RBM39: variants seen among roughly 807,000 people sequenced by gnomAD.
The protein encoded by RBM39 is RNA binding motif protein 39.
Under a neutral mutation model 79.6 loss-of-function variants are expected in RBM39, and 12 were observed. The ratio of observed to expected loss-of-function variants is 0.15; its 90% confidence interval spans 0.10 to 0.24. The LOEUF (loss-of-function observed/expected upper bound fraction) is 0.24, where lower values mean the gene tolerates loss of function less well. Ranked by LOEUF, RBM39 falls within the 10% of genes least tolerant of loss-of-function variation. The pLI, the probability that RBM39 is intolerant of heterozygous loss-of-function variation, is 1.00. For synonymous variants in RBM39, 185 were observed against 208.4 expected (o/e 0.89, Z 0.97); for missense variants, 243 against 653.4 (o/e 0.37, Z 6.85).
chr20:35,704,710 C>A lies in RBM39; in HGVS notation c.1450G>T (p.Ala484Ser), dbSNP rs376295530. Residue 484 changes from alanine to serine, a missense_variant, in exon 16 of 17, where the codon GCT (alanine) becomes TCT (serine). This residue lies in a region of RBM39 where 48 missense variants were observed against 130.2 expected (regional missense o/e 0.37). Coordinates refer to ENST00000253363, the MANE Select transcript of RBM39 (RefSeq NM_184234.3). ...VYVKCPSIAA[A>S]IAAVNALHGR... ...TGCAATGCATTGACAGCAGCAATAG[C>A]TGCAGCAATTGATGGGCACTTCACA... 9 of 1,614,026 alleles carry A rather than the reference C, an allele frequency of 5.6e-6. No individual in the cohort carries two copies. In the East Asian group the frequency reaches 6.7e-5, roughly 12 times the overall value.
intron 6 of RBM39, among the ~76,000 whole-genome samples, chr20:35,727,341 C>A (rs1162211713): frequency 2.0e-5 from 3 of 151,074 alleles, no homozygotes; most frequent in Non-Finnish European, 2.9e-5. Flanking sequence ...CAAAGAGAAA[C>A]CCTACCTCAA....
At chr20:35,705,601 C>A (rs1319060749) in intron 14 of RBM39, among the ~76,000 whole-genome samples, 1 of 151,744 alleles carries the variant, frequency 6.6e-6, no homozygotes. Context: ...AGTTTGAGAC[C>A]AGCCTGGCCA....
chr20:35,732,977 T>C (rs1457224508), intron 3 of RBM39, among the ~76,000 whole-genome samples: 3 of 152,212 alleles, frequency 2.0e-5, no homozygotes, highest in Non-Finnish European at 2.9e-5. Flanking sequence ...ATTTTGGTTT[T>C]CATGGGCAAA....
intron 11 of RBM39, 150 bp from the exon 12 acceptor site, chr20:35,713,246 G>C: frequency 1.8e-6 from 1 of 555,424 alleles, no homozygotes; most frequent in Non-Finnish European, 3.1e-6. Flanking sequence ...TAGCACTCTG[G>C]GAGGCCAAGG....
At position 35,722,429 on chromosome 20, in the gene RBM39, A is replaced by T. The variant is rs569262736; in HGVS notation, c.688-552T>A. Among the ~76,000 whole-genome samples the T allele has an allele frequency of 1.0e-3, 127 of 122,674 alleles. 2 individuals carry two copies. The highest frequency in any genetic ancestry group is 2.6e-3 in the Admixed American group (32 of 12,216). 80.5% of individuals were successfully genotyped at this position (122,674 alleles called of 152,430 possible). The stretch of plus-strand genomic sequence containing the variant: ...CTCAAAAAAAATAAAAATAAAAAAA[A>T]AAATAAAAATAAAAAGTTTATTTAG... On this transcript the variant is annotated intron_variant, in intron 8 of 16. Coordinates refer to ENST00000253363, the MANE Select transcript of RBM39 (RefSeq NM_184234.3).
intron 15 of RBM39, 200 bp downstream of exon 15, chr20:35,705,014 ACTAGAAATCCT>A (rs2035547472): frequency 1.7e-6 from 1 of 589,794 alleles, no homozygotes; most frequent in South Asian, 2.2e-5. Context: ...TTTGAGCATT[ACTAGAAATCCT>A]CTCATACCCT....
At chr20:35,738,908 TA>T (rs2040254282) in intron 3 of RBM39, 59 bp downstream of exon 3, 1 of 1,424,646 alleles carries the variant, frequency 7.0e-7, no homozygotes, top group East Asian at 2.3e-5. Flanking sequence ...GAACACAACT[TA>T]AGGTCTAAAA....
At chr20:35,724,440 A>G in intron 8 of RBM39, 130 bp downstream of exon 8, 1 of 873,268 alleles carries the variant, frequency 1.1e-6, no homozygotes, top group Non-Finnish European at 1.6e-6. Flanking sequence ...GTTAAAAAAA[A>G]AAAAAAAGTC....
chr20:35,739,303 C>A, intron 2 of RBM39: 1 of 459,782 alleles, frequency 2.2e-6, no homozygotes, highest in Non-Finnish European at 4.2e-6. Flanking sequence ...TCCAGATTTA[C>A]AATGTTGAAG....
At chr20:35,735,224 A>G in intron 3 of RBM39, 10 of 1,245,322 alleles carry the variant, frequency 8.0e-6, no homozygotes, top group Non-Finnish European at 1.0e-5. Flanking sequence ...AACGGAATGG[A>G]CGCTGATTTA....
intron 8 of RBM39, among the ~76,000 whole-genome samples, chr20:35,722,941 A>G (rs2425101): frequency 2.8e-5 from 4 of 144,242 alleles, no homozygotes; most frequent in Admixed American, 6.8e-5. Context: ...CTCAAGAGAA[A>G]AAAAAAAAAA....
chr20:35,741,453 T>C (rs1484839679), intron 1 of RBM39: 1 of 152,512 alleles, frequency 6.6e-6, no homozygotes, highest in African/African-American at 2.4e-5. Context: ...TTAACCAGGT[T>C]TGGCTTACGT....
At chr20:35,734,595 T>G (rs184576294) in intron 3 of RBM39, 2 of 270,596 alleles carry the variant, frequency 7.4e-6, no homozygotes, top group South Asian at 7.1e-5. Context: ...TTACCTCTCA[T>G]AGGACCCAAA....
chr20:35,727,675 G>GTTTC (rs2038899621), intron 6 of RBM39, among the ~76,000 whole-genome samples: 1 of 136,436 alleles, frequency 7.3e-6, no homozygotes, highest in Non-Finnish European at 1.5e-5. Context: ...TTGAGACAGA[G>GTTTC]TTTCGCTCTT....
chr20:35,730,062 G>GT (rs1457839267), intron 4 of RBM39, among the ~76,000 whole-genome samples: 1 of 152,058 alleles, frequency 6.6e-6, no homozygotes, highest in African/African-American at 2.4e-5. Context: ...TGCAACTTAG[G>GT]TATTTCCCCA....
intron 8 of RBM39, among the ~76,000 whole-genome samples, chr20:35,722,866 G>A (rs1431510708): frequency 2.6e-5 from 4 of 151,142 alleles, no homozygotes; most frequent in South Asian, 2.1e-4. Flanking sequence ...CCCAGGAGAC[G>A]GAGCTTGCAG....
intron 6 of RBM39, among the ~76,000 whole-genome samples, chr20:35,725,971 G>C (rs1953642623): frequency 6.6e-6 from 1 of 151,892 alleles, no homozygotes; most frequent in Non-Finnish European, 1.5e-5. Flanking sequence ...GCCAACCCAA[G>C]CCCATTTTCA....
At chr20:35,718,540 C>T (rs896983247) in intron 9 of RBM39, among the ~76,000 whole-genome samples, 25 of 151,556 alleles carry the variant, frequency 1.6e-4, no homozygotes, top group African/African-American at 4.4e-4. Context: ...GGTTGGGCTC[C>T]GTGACTCATG....
chr20:35,734,877 G>A, intron 3 of RBM39: 10 of 1,524,306 alleles, frequency 6.6e-6, no homozygotes, highest in Non-Finnish European at 8.7e-6. Flanking sequence ...CACACTAATA[G>A]TCAAATCCTG....
Sources: allele counts gnomAD v4.1 joint callset (sites outside exome capture counted in the v4.1 genomes callset), GRCh38; gene constraint gnomAD v4.1.1; regional missense constraint gnomAD v4.1.1; transcripts MANE v1.5; gene names NCBI Gene and HGNC (gene_info 2026-07-23, HGNC 2026-07-21).